SMC6: variants seen among roughly 807,000 people sequenced by gnomAD.
SMC6 encodes structural maintenance of chromosomes protein 6.
SMC6 carries 79 observed loss-of-function variants against 142.2 expected under a neutral mutation model. That is an observed-to-expected ratio of 0.56 (90% confidence interval 0.46 to 0.67). The LOEUF (loss-of-function observed/expected upper bound fraction) is 0.67, where lower values mean the gene tolerates loss of function less well. Among genes scored for constraint, SMC6 ranks in the 30% least tolerant of loss-of-function variants. The probability of loss-of-function intolerance (pLI) is 0.00; values close to 1 mark genes in which losing one functional copy is unlikely to be tolerated. For synonymous variants in SMC6, 411 were observed against 412.4 expected, an observed-to-expected ratio of 1.00 and a Z score of 0.04; for missense variants, 1,072 against 1,284.0, an observed-to-expected ratio of 0.83 and a Z score of 2.52.
chr2:17,713,227 C>T lies in SMC6; in HGVS notation c.1730+1634G>A, dbSNP rs1394677222. Among the ~76,000 whole-genome samples the T allele has an allele frequency of 2.0e-5, 3 of 152,178 alleles. No individual in the cohort carries two copies. In the East Asian group the frequency reaches 5.8e-4, roughly 29 times the overall value. The stretch of plus-strand genomic sequence containing the variant: ...CCCTCCACTCACATCTCTAAAGAAA[C>T]ATTATTAGTGAAAAATCCTGCAGCC... On this transcript the variant is annotated intron_variant, in intron 16 of 27. Coordinates refer to ENST00000448223, the MANE Select transcript of SMC6 (RefSeq NM_001142286.2).
chr2:17,668,243 A>G (rs1666593736), intron 26 of SMC6, among the ~76,000 whole-genome samples: 1 of 152,230 alleles, frequency 6.6e-6, no homozygotes, highest in African/African-American at 2.4e-5. Context: ...ACTGCATGGA[A>G]AGAATAATCA....
In SMC6 at chr2:17,683,648, G is replaced by A. The variant is rs1667327019; in HGVS notation, c.2794C>T (p.Gln932Ter). 6.2e-7 allele frequency: 1 copy of A among 1,609,710 alleles called. No homozygotes were observed. Among genetic ancestry groups the A allele is most frequent in the Non-Finnish European group, 8.5e-7 (1 of 1,177,504 alleles). ...TTTCAATGTACTTACCTTCTAAATT[G>A]TTGATATGTCTTGAATCTGTGCTCC... is the stretch of plus-strand genomic sequence containing the variant. Reference protein sequence around the residue: ...IMEHRFKTYQQFRRCLTLRCK... With the variant: ...IMEHRFKTYQ The change falls in exon 24 of 28, where the codon CAA (glutamine) becomes TAA (stop). Residue 932 changes from glutamine (Q) to a stop codon, truncating the protein, a stop_gained. Coordinates refer to ENST00000448223, the MANE Select transcript of SMC6 (RefSeq NM_001142286.2). LOFTEE classifies it high-confidence loss of function.
At chr2:17,703,408 T>G in intron 18 of SMC6, 116 bp from the exon 19 acceptor site, 1 of 871,244 alleles carries the variant, frequency 1.1e-6, no homozygotes, top group Non-Finnish European at 1.7e-6. Context: ...AAAATCCTTT[T>G]CAGTTAAACC....
At position 17,700,241 on chromosome 2, in the gene SMC6, A is replaced by C. The variant is rs1035189890; in HGVS notation, c.2361T>G (p.Ile787Met). 1 of 1,607,696 alleles carries C rather than the reference A, an allele frequency of 6.2e-7. No individual in the cohort carries two copies. The highest frequency in any genetic ancestry group is 1.3e-5 in the African/African-American group (1 of 74,598). Residue 787 changes from isoleucine to methionine, a missense_variant, in exon 21 of 28, where the codon ATT (isoleucine) becomes ATG (methionine). By Grantham distance (10) the Ile-to-Met change is conservative. Around this residue, in one of 3 missense-constraint regions of SMC6, gnomAD observed 994 missense variants for 1,153.2 expected, o/e 0.86. Coordinates refer to ENST00000448223, the MANE Select transcript of SMC6 (RefSeq NM_001142286.2). ...GGTCTGCTAGCTCCGATAGTTGATT[A>C]ATTTTGAATTTAATTGCATCATACT... Reference protein sequence around the residue: ...ENKYDAIKFKINQLSELADPL... With the variant: ...ENKYDAIKFKMNQLSELADPL...
chr2:17,701,996 T>C (rs975733140), intron 19 of SMC6, 87 bp from the exon 20 acceptor site: 37 of 689,330 alleles, frequency 5.4e-5, no homozygotes, highest in Non-Finnish European at 8.0e-5. Flanking sequence ...TACAAAGCTC[T>C]ATAATGATGA....
intron 16 of SMC6, 33 bp from the exon 17 acceptor site, chr2:17,708,786 G>T: frequency 9.0e-7 from 1 of 1,107,246 alleles, no homozygotes; most frequent in South Asian, 2.2e-5. Context: ...GATTAACTTA[G>T]CAAATTTTAA....
rs1374798118 is a variant in SMC6, at chr2:17,687,632, G to T, written c.2679-3869C>A. 2.6e-5 allele frequency among the ~76,000 whole-genome samples: 4 copies of T among 152,264 alleles called. No individual in the cohort carries two copies. The South Asian group carries it at 8.3e-4, about 32-fold the overall frequency. ...AAATAAAAAAGAACTGTTGCCTATA[G>T]GGAGTGGGCCAGGGGAAATGGTGTG... On this transcript the variant is annotated intron_variant, in intron 23 of 27. Coordinates refer to ENST00000448223, the MANE Select transcript of SMC6 (RefSeq NM_001142286.2).
At chr2:17,748,519 A>T (rs1415446631) in intron 2 of SMC6, among the ~76,000 whole-genome samples, 1 of 152,260 alleles carries the variant, frequency 6.6e-6, no homozygotes, top group Admixed American at 6.5e-5. Context: ...TCATTTTTAC[A>T]AATTATTTAA....
At chr2:17,731,227 T>C in intron 6 of SMC6, 88 bp from the exon 7 acceptor site, 1 of 856,662 alleles carries the variant, frequency 1.2e-6, no homozygotes, top group Non-Finnish European at 1.9e-6. Flanking sequence ...ATATAAATAT[T>C]AGTTAGCTTT....
chr2:17,685,375 T>A (rs910570659), intron 23 of SMC6, among the ~76,000 whole-genome samples: 7 of 112,634 alleles, frequency 6.2e-5, no homozygotes, highest in African/African-American at 3.1e-4. Context: ...AACACCAACA[T>A]AAACAAGATG....
intron 18 of SMC6, among the ~76,000 whole-genome samples, chr2:17,705,819 A>G (rs72768629): frequency 3.9e-5 from 6 of 152,222 alleles, no homozygotes; most frequent in Non-Finnish European, 7.4e-5. Context: ...GAGTTTTTAC[A>G]TAGAGAACAT....
At chr2:17,716,299 G>T (rs773937231) in intron 14 of SMC6, 35 bp from the exon 15 acceptor site, 5 of 1,574,026 alleles carry the variant, frequency 3.2e-6, no homozygotes, top group Non-Finnish European at 4.3e-6. Context: ...GAACATATAT[G>T]TGATAGTTTT....
rs1411393604 is a variant in SMC6 at position 17,700,277 on chromosome 2, T to C, written c.2325A>G (p.Glu775=). 1 of 1,611,500 alleles carries C rather than the reference T, an allele frequency of 6.2e-7. No homozygotes were observed. Among genetic ancestry groups the C allele is most frequent in the Admixed American group, 1.7e-5 (1 of 59,868 alleles). The change falls in exon 21 of 28, where the codon GAA becomes GAG. Residue 775 remains glutamate (E), a synonymous_variant. Coordinates refer to ENST00000448223, the MANE Select transcript of SMC6 (RefSeq NM_001142286.2). ...NMEHLKSLKI[E]AENKYDAIKF... is the part of the protein sequence containing the mutation. ...TAATTGCATCATACTTATTTTCTGC[T>C]TCTATTTTCAGACTTTTAAGATGCT...
At chr2:17,745,379 T>C (rs548541022) in intron 3 of SMC6, among the ~76,000 whole-genome samples, 11 of 152,338 alleles carry the variant, frequency 7.2e-5, no homozygotes, top group Middle Eastern at 3.4e-3. Flanking sequence ...TTAGTAGTTA[T>C]AGGGCTATTC....
intron 11 of SMC6, among the ~76,000 whole-genome samples, chr2:17,720,217 T>C (rs951191881): frequency 1.3e-5 from 2 of 151,932 alleles, no homozygotes; most frequent in African/African-American, 4.8e-5. Context: ...ACAGAAAGAG[T>C]GAGTATAAAG....
rs779485038 is a variant in SMC6, at chr2:17,741,743, A to C, written c.121-14T>G. The C allele has an allele frequency of 6.5e-7, 1 of 1,540,926 alleles. No individual in the cohort carries two copies. Among genetic ancestry groups the C allele is most frequent in the Non-Finnish European group, 8.9e-7 (1 of 1,122,232 alleles). On this transcript the variant is annotated splice_polypyrimidine_tract_variant and intron_variant, in intron 3 of 27. Transcript: ENST00000448223. Reference sequence around the variant, plus strand: ...TTCTGCTGCAGTCTATTAATAAAAAACAATGGGAGAAAATGGTCAATCTAA... The same window carrying C: ...TTCTGCTGCAGTCTATTAATAAAAACCAATGGGAGAAAATGGTCAATCTAA...
At chr2:17,669,840 C>T (rs1166397607) in intron 26 of SMC6, among the ~76,000 whole-genome samples, 1 of 152,150 alleles carries the variant, frequency 6.6e-6, no homozygotes, top group Non-Finnish European at 1.5e-5. Flanking sequence ...CCATTTGAGC[C>T]TCACTCTAAC....
intron 23 of SMC6, among the ~76,000 whole-genome samples, chr2:17,685,955 A>T (rs1286848964): frequency 6.6e-6 from 1 of 152,230 alleles, no homozygotes; most frequent in South Asian, 2.1e-4. Flanking sequence ...AAATAATTTT[A>T]AAAAAGAATA....
intron 8 of SMC6, among the ~76,000 whole-genome samples, chr2:17,726,007 A>C (rs1028481180): frequency 6.9e-6 from 1 of 145,186 alleles, no homozygotes; most frequent in African/African-American, 2.6e-5. Context: ...AAAATCACTT[A>C]AACCTGAGGG....
Sources: allele counts gnomAD v4.1 joint callset (sites outside exome capture counted in the v4.1 genomes callset), GRCh38; gene constraint gnomAD v4.1.1; regional missense constraint gnomAD v4.1.1; transcripts MANE v1.5; gene names NCBI Gene and HGNC (gene_info 2026-07-23, HGNC 2026-07-21).